Variants in LAMA3 observed in about 807,000 individuals in gnomAD.
LAMA3 encodes the protein laminin subunit alpha 3, also known as laminin subunit alpha-3.
In LAMA3, 281 loss-of-function variants were observed where a neutral mutation model predicts 402.0. That is an observed-to-expected ratio of 0.70 (90% CI 0.63 to 0.77). LAMA3 has a LOEUF of 0.77. Ranked by LOEUF, LAMA3 falls within the 30% of genes least tolerant of loss-of-function variation. The pLI is 0.00. For missense variants in LAMA3, 3,840 were observed against 4,215.5 expected (o/e 0.91, Z 2.47); for synonymous variants, 1,431 against 1,558.4 (o/e 0.92, Z 1.93).
At chr18:23,751,511 T>G (rs1397229487) in intron 5 of LAMA3, among the ~76,000 whole-genome samples, 1 of 152,222 alleles carries the variant, frequency 6.6e-6, no homozygotes, top group African/African-American at 2.4e-5. Flanking sequence ...GCAGCCATTT[T>G]GTAGGACCTC....
chr18:23,777,470 G>A (rs1485532913), intron 10 of LAMA3, 87 bp from the exon 11 acceptor site: 7 of 886,278 alleles, frequency 7.9e-6, no homozygotes, highest in East Asian at 2.4e-5. Context: ...AGTGACAGAG[G>A]GTGTCTTCCT....
At chr18:23,812,065 G>A (rs199753868) in intron 13 of LAMA3, among the ~76,000 whole-genome samples, 506 of 152,030 alleles carry the variant, frequency 3.3e-3, no homozygotes, top group Non-Finnish European at 5.6e-3. Flanking sequence ...AGTAGAGATG[G>A]GGTTTCACCA....
intron 8 of LAMA3, among the ~76,000 whole-genome samples, chr18:23,763,977 T>C (rs1034328492): frequency 3.9e-5 from 6 of 152,220 alleles, no homozygotes; most frequent in Non-Finnish European, 8.8e-5. Flanking sequence ...CACTAATTTT[T>C]CATTCCTTCT....
chr18:23,921,652 ATCTGG>A, intron 62 of LAMA3, 67 bp downstream of exon 62: 1 of 1,533,570 alleles, frequency 6.5e-7, no homozygotes, highest in Non-Finnish European at 9.0e-7. Flanking sequence ...ACCAAAAAAA[ATCTGG>A]TCTGCCATTT....
intron 2 of LAMA3, among the ~76,000 whole-genome samples, chr18:23,724,397 A>G (rs1053074724): frequency 6.6e-6 from 1 of 152,232 alleles, no homozygotes; most frequent in African/African-American, 2.4e-5. Flanking sequence ...TGAGTTATCA[A>G]TGAAAAAGCT....
chr18:23,857,237 G>A (rs902305703), intron 32 of LAMA3, among the ~76,000 whole-genome samples: 3 of 152,190 alleles, frequency 2.0e-5, no homozygotes, highest in East Asian at 1.9e-4. Context: ...CAGCTACTGC[G>A]CTGTGCTGCC....
chr18:23,899,268 G>T lies in LAMA3; in HGVS notation c.5837-20G>T. ...GGAGCCCAGAATTCCCAGTCTAATA[G>T]ACCACTTGATGTTTCCTAGTTCTTT... On this transcript the variant is annotated intron_variant, in intron 46 of 74. Coordinates refer to ENST00000313654, the MANE Select transcript of LAMA3 (RefSeq NM_198129.4). 1 of 1,605,374 alleles carries T rather than the reference G, an allele frequency of 6.2e-7. No homozygotes were observed. Among genetic ancestry groups the T allele is most frequent in the South Asian group, 1.1e-5 (1 of 90,522 alleles).
rs768261442 is a variant in LAMA3, at chr18:23,689,878, C to T, written c.195C>T (p.Thr65=). Reference sequence around the variant, plus strand: ...CGGCGAGGATTTGGGCCACCGCCACCTGCGGGGAGAGGGGACCCGGCGAGG... The same window carrying T: ...CGGCGAGGATTTGGGCCACCGCCACTTGCGGGGAGAGGGGACCCGGCGAGG... ...AEAARIWATA[T]CGERGPGEGR... is the part of the protein sequence containing the mutation. Residue 65 remains threonine, a synonymous_variant, in exon 1 of 75, where the codon ACC becomes ACT. Transcript: ENST00000313654. 6.5e-7 allele frequency: 1 copy of T among 1,544,594 alleles called. No homozygotes were observed. The highest frequency in any genetic ancestry group is 1.2e-5 in the South Asian group (1 of 82,950).
chr18:23,777,036 C>G (rs1314747397), intron 10 of LAMA3, among the ~76,000 whole-genome samples: 1 of 151,886 alleles, frequency 6.6e-6, no homozygotes, highest in Non-Finnish European at 1.5e-5. Flanking sequence ...GATGGGGTTT[C>G]TCTATGTTGG....
At chr18:23,799,453 A>G (rs1273323875) in intron 12 of LAMA3, among the ~76,000 whole-genome samples, 4 of 152,192 alleles carry the variant, frequency 2.6e-5, no homozygotes, top group African/African-American at 9.6e-5. Flanking sequence ...TCACAATTTT[A>G]AAACACTGCA....
At chr18:23,951,860 A>G in intron 73 of LAMA3, 83 bp downstream of exon 73, 1 of 1,071,648 alleles carries the variant, frequency 9.3e-7, no homozygotes, top group Non-Finnish European at 1.4e-6. Context: ...AGGCAGCCTC[A>G]GCCCCTCCAT....
chr18:23,826,758 A>C lies in LAMA3; in HGVS notation c.2628A>C (p.Pro876=). Residue 876 remains proline (P), a synonymous_variant, in exon 22 of 75, where the codon CCA becomes CCC. Transcript: ENST00000313654. The part of the protein sequence containing the change: ...DYYEASVLQL[P]VTEPCAYAGP... ...ATGAAGCCTCTGTACTGCAGCTGCC[A>C]GTCACAGAACCATGTGCCTACGCAG... The C allele has an allele frequency of 6.4e-7, 1 of 1,568,102 alleles. No individual in the cohort carries two copies. Among genetic ancestry groups the C allele is most frequent in the Non-Finnish European group, 8.7e-7 (1 of 1,154,694 alleles).
chr18:23,899,124 A>T, intron 46 of LAMA3, 59 bp downstream of exon 46: 1 of 1,363,044 alleles, frequency 7.3e-7, no homozygotes, highest in Non-Finnish European at 1.0e-6. Flanking sequence ...TTCATTGTAC[A>T]CTAAAAGAAT....
In LAMA3 at chr18:23,890,015, G is replaced by A. The variant is rs752197372; in HGVS notation, c.5308G>A (p.Ala1770Thr). 1 of 1,612,304 alleles carries A rather than the reference G, an allele frequency of 6.2e-7. No homozygotes were observed. The highest frequency in any genetic ancestry group is 1.7e-5 in the Admixed American group (1 of 60,032). ...GYTGTQCERC[A>T]PGYFGNPQKF... is the part of the protein sequence containing the mutation. ...TCCTCTCTATATTTTGTGTAGGTGT[G>A]CACCGGGATATTTCGGGAATCCCCA... Residue 1770 changes from alanine to threonine, a missense_variant, in exon 42 of 75, where the codon GCA (alanine) becomes ACA (threonine). By Grantham distance (58) the Ala-to-Thr change is moderately conservative (BLOSUM62 0). Around this residue, in one of 3 missense-constraint regions of LAMA3, gnomAD observed 2,109 missense variants for 2,376.0 expected, o/e 0.89. Coordinates refer to ENST00000313654, the MANE Select transcript of LAMA3 (RefSeq NM_198129.4).
At chr18:23,882,611 A>G (rs2064937783) in intron 40 of LAMA3, among the ~76,000 whole-genome samples, 1 of 106,156 alleles carries the variant, frequency 9.4e-6, no homozygotes. Flanking sequence ...CTCCATCTTA[A>G]AAAAAAAAAA....
At chr18:23,771,980 T>G (rs932166010) in intron 8 of LAMA3, among the ~76,000 whole-genome samples, 1 of 152,238 alleles carries the variant, frequency 6.6e-6, no homozygotes, top group Non-Finnish European at 1.5e-5. Context: ...GAAGATACTT[T>G]ATCTCCATGA....
rs1269339134 is a variant in LAMA3, at chr18:23,704,720, G to T, written c.295-9200G>T. Among the ~76,000 whole-genome samples, 5 of 152,262 alleles carry T rather than the reference G, an allele frequency of 3.3e-5. No individual in the cohort carries two copies. The South Asian group carries it at 8.3e-4, about 25-fold the overall frequency. ...CTAACATAGTGCTCTACCCATGGTA[G>T]GTAATTTGGATAAGTTGAATAAATG... On this transcript the variant is annotated intron_variant, in intron 1 of 74. Transcript: ENST00000313654.
chr18:23,761,014 G>A (rs1040005897), intron 7 of LAMA3, among the ~76,000 whole-genome samples: 13 of 152,112 alleles, frequency 8.5e-5, no homozygotes, highest in South Asian at 8.3e-4. Flanking sequence ...GGGCACAAGC[G>A]TTCGGACCAT....
chr18:23,892,763 T>C lies in LAMA3; in HGVS notation c.5411-1535T>C, dbSNP rs377566084. ...ACTAAAAATACAAAAATTAGCTGGGTGTGGTGGCAGATGCCTGTAATCTCA... is the reference window on the plus strand; with the variant it reads ...ACTAAAAATACAAAAATTAGCTGGGCGTGGTGGCAGATGCCTGTAATCTCA... On this transcript the variant is annotated intron_variant, in intron 42 of 74. Transcript: ENST00000313654. Among the ~76,000 whole-genome samples, 3 of 151,506 alleles carry C rather than the reference T, an allele frequency of 2.0e-5. No individual in the cohort carries two copies. In the East Asian group the frequency reaches 5.8e-4, roughly 29 times the overall value.
Sources: allele counts gnomAD v4.1 joint callset (sites outside exome capture counted in the v4.1 genomes callset), GRCh38; gene constraint gnomAD v4.1.1; regional missense constraint gnomAD v4.1.1; transcripts MANE v1.5; gene names NCBI Gene and HGNC (gene_info 2026-07-23, HGNC 2026-07-21).